HFM1: variants seen among roughly 807,000 people sequenced by gnomAD.
The protein encoded by HFM1 is probable ATP-dependent DNA helicase HFM1.
In HFM1, 169 loss-of-function variants were observed where a neutral mutation model predicts 192.1. That is an observed-to-expected ratio of 0.88 (90% CI 0.78 to 1.00). The LOEUF (loss-of-function observed/expected upper bound fraction) is 1.00, where lower values mean the gene tolerates loss of function less well. Among genes scored for constraint, HFM1 ranks in the 50% least tolerant of loss-of-function variants. The pLI is 0.00. For missense variants in HFM1, 1,661 were observed against 1,668.0 expected (o/e 1.00, Z 0.07); for synonymous variants, 525 against 537.8 (o/e 0.98, Z 0.33).
chr1:91,385,342 T>C (rs1408512592), intron 5 of HFM1, 108 bp from the exon 6 acceptor site: 2 of 805,190 alleles, frequency 2.5e-6, no homozygotes, highest in African/African-American at 1.8e-5. Context: ...ACTGTTTCAA[T>C]AAAACTAACA....
Position 91,319,191 on chromosome 1 carries a change from G to A in HFM1, c.2699C>T (p.Ala900Val). ...TACAGCAAACTTCTTTTCTTGAGCA[G>A]CTACAAAATCTGACAACCCTAAAAA... ...RITRWLSDFVAAQEKKFAVLL... is the reference protein window; with the variant it reads ...RITRWLSDFVVAQEKKFAVLL... Residue 900 changes from alanine (A) to valine (V), a missense_variant, in exon 25 of 39, where the codon GCT becomes GTT. By Grantham distance (64) the Ala-to-Val change is moderately conservative. Coordinates refer to ENST00000370425, the MANE Select transcript of HFM1 (RefSeq NM_001017975.6). 6.2e-7 allele frequency: 1 copy of A among 1,607,176 alleles called. No individual in the cohort carries two copies. The highest frequency in any genetic ancestry group is 8.5e-7 in the Non-Finnish European group (1 of 1,178,050).
In HFM1 at chr1:91,379,215, C is replaced by T; in HGVS notation, c.1007-1G>A. On this transcript the variant is annotated splice_acceptor_variant, in intron 8 of 38. Coordinates refer to ENST00000370425, the MANE Select transcript of HFM1 (RefSeq NM_001017975.6). LOFTEE classifies it high-confidence loss of function. ...CTGCACAAGGCTTTTATTGGTGCCA[C>T]TGTAACAATATAAAATATTTACTTT... The T allele has an allele frequency of 6.3e-7, 1 of 1,589,270 alleles. No homozygotes were observed. The highest frequency in any genetic ancestry group is 8.5e-7 in the Non-Finnish European group (1 of 1,171,426).
At chr1:91,274,525 G>A (rs1194179567) in intron 33 of HFM1, among the ~76,000 whole-genome samples, 1 of 151,980 alleles carries the variant, frequency 6.6e-6, no homozygotes, top group Non-Finnish European at 1.5e-5. Flanking sequence ...TCTAATGAAT[G>A]TTATTTCATA....
At chr1:91,298,099 T>A (rs913026152) in intron 30 of HFM1, among the ~76,000 whole-genome samples, 1 of 152,090 alleles carries the variant, frequency 6.6e-6, no homozygotes, top group Non-Finnish European at 1.5e-5. Flanking sequence ...TTAAAGGACC[T>A]GATGGAGCTG....
rs1650756429 is a variant in HFM1 at position 91,313,412 on chromosome 1, A to G, written c.3328T>C (p.Ser1110Pro). ...FGNQITMQRK[S>P]ETQISHSKHS... ...TTAGAATGGGAAATCTGTGTTTCAG[A>G]TTTTCTTTGCATAGTGATTTGATTT... The change falls in exon 30 of 39, where the codon TCT becomes CCT. Residue 1110 changes from serine to proline, a missense_variant. Ser to Pro is a moderately conservative substitution (Grantham distance 74). Transcript: ENST00000370425. The G allele has an allele frequency of 1.2e-6, 2 of 1,600,460 alleles. No individual in the cohort carries two copies. The highest frequency in any genetic ancestry group is 1.7e-5 in the Admixed American group (1 of 59,390).
At chr1:91,262,442 C>G (rs1665256608) in intron 37 of HFM1, 39 bp downstream of exon 37, 1 of 1,573,370 alleles carries the variant, frequency 6.4e-7, no homozygotes, top group Admixed American at 1.8e-5. Context: ...AGCACTCGGG[C>G]AAAATTTAAA....
At chr1:91,346,669 G>T (rs188629709) in intron 19 of HFM1, among the ~76,000 whole-genome samples, 103 of 152,212 alleles carry the variant, frequency 6.8e-4, no homozygotes, top group Non-Finnish European at 7.1e-4. Context: ...CTGAATAAAT[G>T]CCTAACAATA....
chr1:91,308,403 G>A (rs532123930), intron 30 of HFM1, among the ~76,000 whole-genome samples: 30 of 151,894 alleles, frequency 2.0e-4, no homozygotes, highest in Middle Eastern at 6.8e-3. Context: ...TTCAGATATC[G>A]CATTTTTAAT....
chr1:91,347,689 T>C (rs563775142), intron 18 of HFM1, among the ~76,000 whole-genome samples: 44 of 152,312 alleles, frequency 2.9e-4, no homozygotes, highest in African/African-American at 9.6e-4. Flanking sequence ...TTTCCAAATG[T>C]TTTATACATA....
Position 91,319,342 on chromosome 1 carries a change from C to G in HFM1, c.2631G>C (p.Leu877Phe), listed in dbSNP as rs1030101602. The G allele has an allele frequency of 6.2e-7, 1 of 1,612,944 alleles. No homozygotes were observed. Among genetic ancestry groups the G allele is most frequent in the Non-Finnish European group, 8.5e-7 (1 of 1,179,236 alleles). The change falls in exon 24 of 39, where the codon TTG becomes TTC. Residue 877 changes from leucine to phenylalanine, a missense_variant. Transcript: ENST00000370425. The part of the protein sequence containing the change: ...LGCIPIQDFA[L>F]TQDTAKIFRH... ...TGAAAATCTTTGCGGTATCTTGTGT[C>G]AAAGCAAAATCTTGTATGGGAATGC... is the stretch of plus-strand genomic sequence containing the variant.
chr1:91,394,194 GTGAT>G lies in HFM1; in HGVS notation c.389_392del (p.Asn130ThrfsTer6). ...TCTCAGGTGCTATCTCAGTGCCAATGTGATTTTTATATTTCTGAGAAGCATATGT... is the reference window on the plus strand; with the variant it reads ...TCTCAGGTGCTATCTCAGTGCCAATGTTTTATATTTCTGAGAAGCATATGT... On this transcript the variant is annotated frameshift_variant, in exon 4 of 39. Transcript: ENST00000370425. LOFTEE classifies it high-confidence loss of function. 1 of 1,604,154 alleles carries G rather than the reference GTGAT, an allele frequency of 6.2e-7. No individual in the cohort carries two copies. Among genetic ancestry groups the G allele is most frequent in the Non-Finnish European group, 8.5e-7 (1 of 1,171,092 alleles).
chr1:91,304,430 C>T (rs1364308739), intron 30 of HFM1, among the ~76,000 whole-genome samples: 1 of 145,222 alleles, frequency 6.9e-6, no homozygotes, highest in Admixed American at 7.0e-5. Context: ...TGAAGATATA[C>T]ACCTATGTTT....
Position 91,273,677 on chromosome 1 carries a change from T to C in HFM1, c.3772+35A>G, listed in dbSNP as rs539714154. ...GTCAATTCAAAGTAATAATAAGCCA[T>C]TTACTCTCTCAAGTAAGTATCAATG... On this transcript the variant is annotated intron_variant, in intron 34 of 38. Coordinates refer to ENST00000370425, the MANE Select transcript of HFM1 (RefSeq NM_001017975.6). The C allele has an allele frequency of 4.7e-6, 5 of 1,065,826 alleles. No individual in the cohort carries two copies. In the African/African-American group the frequency reaches 6.3e-5, roughly 13 times the overall value. 66.0% of individuals were successfully genotyped at this position (1,065,826 alleles called of 1,614,324 possible). A position where few individuals can be genotyped will look rare whatever the true frequency, so the allele number is the denominator to read the frequency against.
chr1:91,328,879 G>A (rs1653350676), intron 20 of HFM1: 5 of 1,610,754 alleles, frequency 3.1e-6, no homozygotes, highest in African/African-American at 2.7e-5. Flanking sequence ...GTGCTGCCCT[G>A]GTGAAGGCTG....
In HFM1 at chr1:91,262,495, C is replaced by T; in HGVS notation, c.4072G>A (p.Gly1358Arg). ...SSMTKLPQQAGNAVIVHFQER... is the reference protein window; with the variant it reads ...SSMTKLPQQARNAVIVHFQER... ...CTTCTTCTTACAATAACTGCATTTC[C>T]GGCTTGTTGAGGTAATTTTGTCATG... The change falls in exon 37 of 39, where the codon GGA (glycine) becomes AGA (arginine). Residue 1358 changes from glycine (G) to arginine (R), a missense_variant. Gly to Arg is a moderately radical substitution (Grantham distance 125). Transcript: ENST00000370425. 6.3e-7 allele frequency: 1 copy of T among 1,598,156 alleles called. No homozygotes were observed. Among genetic ancestry groups the T allele is most frequent in the Non-Finnish European group, 8.6e-7 (1 of 1,168,110 alleles).
intron 30 of HFM1, among the ~76,000 whole-genome samples, chr1:91,310,922 T>C (rs1458886300): frequency 6.6e-6 from 1 of 152,066 alleles, no homozygotes; most frequent in Non-Finnish European, 1.5e-5. Context: ...TTGGTACCAG[T>C]AGAGTGGGGA....
intron 4 of HFM1, among the ~76,000 whole-genome samples, chr1:91,390,042 C>T (rs1476907156): frequency 6.6e-6 from 1 of 152,132 alleles, no homozygotes; most frequent in Non-Finnish European, 1.5e-5. Context: ...ATATTATTCA[C>T]AATAGACAAA....
At chr1:91,397,606 C>T (rs905983284) in intron 2 of HFM1, among the ~76,000 whole-genome samples, 23 of 152,314 alleles carry the variant, frequency 1.5e-4, no homozygotes, top group African/African-American at 5.3e-4. Flanking sequence ...AAATCTACAA[C>T]ACATTATCTG....
intron 13 of HFM1, among the ~76,000 whole-genome samples, chr1:91,361,491 A>G (rs1658515847): frequency 6.6e-6 from 1 of 152,202 alleles, no homozygotes; most frequent in African/African-American, 2.4e-5. Flanking sequence ...CTCTCTTCCA[A>G]GACTGAACCA....
Sources: gnomAD v4.1 joint callset for allele counts (sites outside exome capture counted in the v4.1 genomes callset) on GRCh38, gnomAD v4.1.1 for gene constraint, MANE v1.5 for transcripts, NCBI Gene and HGNC (gene_info 2026-07-23, HGNC 2026-07-21) for gene names.